Variants in SLC26A7 observed in about 807,000 individuals in gnomAD.
SLC26A7 encodes solute carrier family 26 member 7, also known as anion exchange transporter.
SLC26A7 carries 59 observed loss-of-function variants against 82.5 expected under a neutral mutation model. That is an observed-to-expected ratio of 0.72 (90% confidence interval 0.58 to 0.89). The LOEUF is 0.89. Among genes scored for constraint, SLC26A7 ranks in the 40% least tolerant of loss-of-function variants. SLC26A7 has a pLI of 0.00. For synonymous variants in SLC26A7, 271 were observed against 274.3 expected (o/e 0.99, Z 0.12); for missense variants, 820 against 793.0 (o/e 1.03, Z -0.41).
chr8:91,338,542 TAGTC>T (rs1224987488), intron 7 of SLC26A7, among the ~76,000 whole-genome samples: 1 of 152,200 alleles, frequency 6.6e-6, no homozygotes, highest in Non-Finnish European at 1.5e-5. Context: ...ATCTGGGATT[TAGTC>T]AGCCCTATCT....
intron 2 of SLC26A7, among the ~76,000 whole-genome samples, chr8:91,285,408 A>T (rs1276706913): frequency 3.9e-5 from 6 of 152,246 alleles, no homozygotes; most frequent in African/African-American, 1.2e-4. Context: ...GTCTCTTCAC[A>T]TGGTCTTCTT....
At chr8:91,392,835 G>C (rs1355766062) in intron 16 of SLC26A7, among the ~76,000 whole-genome samples, 3 of 152,154 alleles carry the variant, frequency 2.0e-5, no homozygotes, top group Non-Finnish European at 2.9e-5. Context: ...CTGAGTTTAA[G>C]AAAGAGTGAA....
chr8:91,291,871 C>T (rs1307448983), intron 3 of SLC26A7, among the ~76,000 whole-genome samples: 1 of 152,274 alleles, frequency 6.6e-6, no homozygotes, highest in East Asian at 1.9e-4. Context: ...TTCTGATTTC[C>T]CTTCTGTTAA....
rs534947227 is a variant in SLC26A7, at chr8:91,315,754, G to C, written c.478-2462G>C. On this transcript the variant is annotated intron_variant, in intron 4 of 18. Transcript: ENST00000276609. ...TTTACAGAGTTAGAAAATGTAGTGT[G>C]GCCCTTCCTACATTTTCGAAACTGG... Among the ~76,000 whole-genome samples, 3 of 152,196 alleles carry C rather than the reference G, an allele frequency of 2.0e-5. No individual in the cohort carries two copies. In the East Asian group the frequency reaches 5.8e-4, roughly 29 times the overall value.
intron 15 of SLC26A7, among the ~76,000 whole-genome samples, chr8:91,381,619 A>G (rs7828102): frequency 0.068 from 10,299 of 152,246 alleles, 359 homozygotes; most frequent in African/African-American, 0.088. Flanking sequence ...GCTGATGGGC[A>G]TGATCACCTT....
chr8:91,386,196 A>G (rs1814795270), intron 15 of SLC26A7, among the ~76,000 whole-genome samples: 2 of 152,134 alleles, frequency 1.3e-5, no homozygotes, highest in Admixed American at 6.5e-5. Context: ...GCATTGAAAT[A>G]TTTTCCAAAT....
intron 5 of SLC26A7, among the ~76,000 whole-genome samples, chr8:91,328,022 G>C (rs1425417922): frequency 6.6e-6 from 1 of 152,040 alleles, no homozygotes; most frequent in Admixed American, 6.6e-5. Context: ...AAACCAACCA[G>C]AATGCAGAGG....
intron 2 of SLC26A7, among the ~76,000 whole-genome samples, chr8:91,225,288 A>G (rs1203554981): frequency 6.6e-6 from 1 of 152,132 alleles, no homozygotes; most frequent in African/African-American, 2.4e-5. Flanking sequence ...GGGATGCTAG[A>G]TCCCAGTGGC....
At chr8:91,286,072 C>G (rs1040763581) in intron 2 of SLC26A7, among the ~76,000 whole-genome samples, 1 of 152,150 alleles carries the variant, frequency 6.6e-6, no homozygotes, top group Non-Finnish European at 1.5e-5. Flanking sequence ...GAGTCACTTT[C>G]TAGTGATCTC....
At chr8:91,225,176 C>A (rs1249151132) in intron 2 of SLC26A7, among the ~76,000 whole-genome samples, 2 of 152,220 alleles carry the variant, frequency 1.3e-5, no homozygotes, top group Non-Finnish European at 2.9e-5. Flanking sequence ...GCTTAGACAG[C>A]AGGCAGTGGC....
chr8:91,299,438 T>G (rs922524949), intron 4 of SLC26A7, among the ~76,000 whole-genome samples: 2 of 152,096 alleles, frequency 1.3e-5, no homozygotes, highest in African/African-American at 4.8e-5. Context: ...TCTTTTTATA[T>G]ATACATTCCT....
At chr8:91,283,819 G>A (rs1045464672) in intron 2 of SLC26A7, among the ~76,000 whole-genome samples, 10 of 152,148 alleles carry the variant, frequency 6.6e-5, no homozygotes, top group Non-Finnish European at 1.3e-4. Context: ...TCTTTACTGA[G>A]GGGGTGTTAG....
intron 15 of SLC26A7, among the ~76,000 whole-genome samples, chr8:91,385,132 C>G (rs2130899768): frequency 6.6e-6 from 1 of 152,270 alleles, no homozygotes. Context: ...TAATTTCTTT[C>G]TGAAATGTTG....
chr8:91,223,682 A>G (rs930755825), intron 2 of SLC26A7, among the ~76,000 whole-genome samples: 2 of 151,974 alleles, frequency 1.3e-5, no homozygotes, highest in Non-Finnish European at 2.9e-5. Flanking sequence ...GGTGTATCCA[A>G]TGGTTTTCTC....
chr8:91,244,973 G>A (rs536204511), upstream of SLC26A7, among the ~76,000 whole-genome samples: 1 of 152,272 alleles, frequency 6.6e-6, no homozygotes, highest in South Asian at 2.1e-4. Context: ...AGTAAGACAT[G>A]TTGGCAATCA....
At chr8:91,287,361 A>T (rs1811739780) in intron 2 of SLC26A7, among the ~76,000 whole-genome samples, 1 of 152,232 alleles carries the variant, frequency 6.6e-6, no homozygotes, top group Non-Finnish European at 1.5e-5. Context: ...AGGCAGACAG[A>T]TAAGCAGGAG....
At chr8:91,226,623 A>G (rs999638512) in intron 2 of SLC26A7, among the ~76,000 whole-genome samples, 6 of 152,382 alleles carry the variant, frequency 3.9e-5, no homozygotes, top group Admixed American at 3.9e-4. Context: ...TATGGCATGA[A>G]CAAAACTGGC....
intron 13 of SLC26A7, among the ~76,000 whole-genome samples, 167 bp downstream of exon 13, chr8:91,363,705 T>G (rs561151401): frequency 2.6e-5 from 4 of 152,254 alleles, no homozygotes; most frequent in Non-Finnish European, 5.9e-5. Context: ...TGTGGCAAAC[T>G]ACATGCAACA....
intron 11 of SLC26A7, 87 bp downstream of exon 11, chr8:91,353,083 T>C (rs970476098): frequency 2.3e-6 from 2 of 872,576 alleles, no homozygotes; most frequent in African/African-American, 1.7e-5. Context: ...TTGCAGAAAA[T>C]AGATATTGTC....
Sources: allele counts gnomAD v4.1 joint callset (sites outside exome capture counted in the v4.1 genomes callset), GRCh38; gene constraint gnomAD v4.1.1; transcripts MANE v1.5; gene names NCBI Gene and HGNC (gene_info 2026-07-23, HGNC 2026-07-21).